The following DHRS7 variants were observed in gnomAD, a reference collection of about 807,000 sequenced individuals.
DHRS7 encodes dehydrogenase/reductase SDR family member 7.
DHRS7 carries 34 observed loss-of-function variants against 38.9 expected under a neutral mutation model. The ratio of observed to expected loss-of-function variants is 0.87; its 90% CI spans 0.66 to 1.16. The LOEUF (loss-of-function observed/expected upper bound fraction) is 1.16. Among genes scored for constraint, DHRS7 ranks in the 50% most tolerant of loss-of-function variants. The pLI is 0.00. For missense variants in DHRS7, 421 were observed against 407.0 expected (o/e 1.03, Z -0.30); for synonymous variants, 158 against 153.1 (o/e 1.03, Z -0.24).
At position 60,146,597 on chromosome 14, in the gene DHRS7, A is replaced by T. The variant is rs760620135; in HGVS notation, c.973-1584T>A. ...ATACCTACACTCCCATGTTCATTTT[A>T]GCATTATTCATAATAGCCAAGATAT... is the stretch of plus-strand genomic sequence containing the variant. On this transcript the variant is annotated intron_variant, in intron 6 of 6. Coordinates refer to ENST00000557185, the MANE Select transcript of DHRS7 (RefSeq NM_016029.4). This position sits in a 1 kb window ranked among gnomAD's most constrained non-coding sequence, Gnocchi z 4.9. 1 of 152,186 alleles carries T rather than the reference A, an allele frequency of 6.6e-6. No individual in the cohort carries two copies. Among genetic ancestry groups the T allele is most frequent in the Non-Finnish European group, 1.5e-5 (1 of 68,028 alleles). The allele number at this position is 152,186 out of a possible 1,614,324, so 9.4% of individuals were successfully genotyped here.
chr14:60,169,444 G>A (rs560271396), upstream of DHRS7, among the ~76,000 whole-genome samples: 2 of 152,206 alleles, frequency 1.3e-5, no homozygotes, highest in Non-Finnish European at 2.9e-5. Flanking sequence ...AGAAGCTATT[G>A]CAGCTTCTAC....
At chr14:60,166,521 TC>T (rs2140621239), upstream of DHRS7, among the ~76,000 whole-genome samples, 1 of 152,358 alleles carries the variant, frequency 6.6e-6, no homozygotes, top group East Asian at 1.9e-4. Context: ...CTTTTTCTAG[TC>T]TTGCCTGCCA....
intron 2 of DHRS7, 113 bp downstream of exon 2, chr14:60,155,887 G>A: frequency 8.9e-7 from 1 of 1,119,392 alleles, no homozygotes; most frequent in Non-Finnish European, 1.2e-6. Context: ...GAAGCATGTA[G>A]AACATTTGGA....
rs542027728 is a variant in DHRS7 at position 60,146,324 on chromosome 14, C to T, written c.973-1311G>A. 6.6e-6 allele frequency: 1 copy of T among 152,148 alleles called. No individual in the cohort carries two copies. Among genetic ancestry groups the T allele is most frequent in the Non-Finnish European group, 1.5e-5 (1 of 67,984 alleles). 9.4% of individuals were successfully genotyped at this position (152,148 alleles called of 1,614,324 possible). A position where few individuals can be genotyped will look rare whatever the true frequency, so the allele number is the denominator to read the frequency against. ...CAAAATATCCTTCATATGGACATTT[C>T]TGGAAGTACTACTACAGTGGGACTG... On this transcript the variant is annotated intron_variant, in intron 6 of 6. Transcript: ENST00000557185. This position sits in a 1 kb window ranked among gnomAD's most constrained non-coding sequence, Gnocchi z 4.9.
chr14:60,151,285 T>C (rs751985928), intron 4 of DHRS7, among the ~76,000 whole-genome samples: 2 of 152,194 alleles, frequency 1.3e-5, no homozygotes, highest in African/African-American at 2.4e-5. Flanking sequence ...ACTGACCATT[T>C]CTAAACCAAT....
rs990613633 is a variant in DHRS7, at chr14:60,148,070, T to G, written c.972+1283A>C. ...TGGTAGAAAACGAAAAGCTCCTTTT[T>G]GATTTTTCACACTCTGGACATTTTA... On this transcript the variant is annotated intron_variant, in intron 6 of 6. Coordinates refer to ENST00000557185, the MANE Select transcript of DHRS7 (RefSeq NM_016029.4). The surrounding 1 kb of genome is among the most constrained non-coding windows in gnomAD (Gnocchi z 4.8). 1.6e-4 allele frequency: 25 copies of G among 152,358 alleles called. No individual in the cohort carries two copies. The highest frequency in any genetic ancestry group is 5.8e-4 in the African/African-American group (24 of 41,584). 9.4% of individuals were successfully genotyped at this position (152,358 alleles called of 1,614,324 possible).
intron 6 of DHRS7, 51 bp downstream of exon 6, chr14:60,149,302 C>A (rs1896480221): frequency 1.3e-6 from 2 of 1,565,668 alleles, no homozygotes; most frequent in African/African-American, 2.7e-5. Context: ...AATTCTGTAC[C>A]TTCCTGCAAG....
intron 1 of DHRS7, among the ~76,000 whole-genome samples, 166 bp from the exon 2 acceptor site, chr14:60,156,318 TAAA>T (rs199902248): frequency 1.5e-5 from 2 of 136,274 alleles, no homozygotes; most frequent in Non-Finnish European, 1.6e-5. Context: ...CCTTCTTAAC[TAAA>T]AAAAAAAAAA....
At chr14:60,169,013 T>G (rs1326005465), upstream of DHRS7, 1 of 294,552 alleles carries the variant, frequency 3.4e-6, no homozygotes, top group Non-Finnish European at 6.2e-6. Flanking sequence ...GAGGATTGCT[T>G]GAGACTGCCT....
chr14:60,150,333 ATATTT>A (rs1225486868), intron 4 of DHRS7, 146 bp from the exon 5 acceptor site: 13 of 697,646 alleles, frequency 1.9e-5, no homozygotes, highest in South Asian at 2.8e-5. Flanking sequence ...TTTTATTATT[ATATTT>A]TAAGTTCTAG....
At chr14:60,149,287 T>C in intron 6 of DHRS7, 66 bp downstream of exon 6, 1 of 1,519,802 alleles carries the variant, frequency 6.6e-7, no homozygotes, top group Non-Finnish European at 9.1e-7. Context: ...TTTTAAACAC[T>C]GGAAAATTCT....
Position 60,162,779 on chromosome 14 carries a change from C to T in DHRS7, c.133+2398G>A, listed in dbSNP as rs1242527497. Reference sequence around the variant, plus strand: ...GAGTCTTTTTAGACTTTTTTTTCCCCTAAAACTCTCCTGTGAAATGTTAAT... The same window carrying T: ...GAGTCTTTTTAGACTTTTTTTTCCCTTAAAACTCTCCTGTGAAATGTTAAT... On this transcript the variant is annotated intron_variant, in intron 1 of 6. Coordinates refer to ENST00000557185, the MANE Select transcript of DHRS7 (RefSeq NM_016029.4). This position sits in a 1 kb window ranked among gnomAD's most constrained non-coding sequence, Gnocchi z 4.5. 1.3e-5 allele frequency among the ~76,000 whole-genome samples: 2 copies of T among 151,948 alleles called. No individual in the cohort carries two copies. The highest frequency in any genetic ancestry group is 2.9e-5 in the Non-Finnish European group (2 of 68,010).
chr14:60,150,393 T>C (rs1896518893), intron 4 of DHRS7, among the ~76,000 whole-genome samples: 1 of 152,172 alleles, frequency 6.6e-6, no homozygotes, highest in African/African-American at 2.4e-5. Context: ...TGTATACATG[T>C]GCCACGTTGG....
intron 1 of DHRS7, among the ~76,000 whole-genome samples, chr14:60,157,715 C>A (rs1240808082): frequency 2.6e-5 from 4 of 151,868 alleles, no homozygotes; most frequent in Non-Finnish European, 5.9e-5. Context: ...CAGTGCTTAG[C>A]AAAGACTGGA....
intron 4 of DHRS7, among the ~76,000 whole-genome samples, chr14:60,152,470 T>A (rs1433474342): frequency 6.6e-6 from 1 of 152,140 alleles, no homozygotes; most frequent in Non-Finnish European, 1.5e-5. Flanking sequence ...CATATATAAT[T>A]AGACCAGGCA....
upstream of DHRS7, chr14:60,169,148 A>AAC (rs1896902940): frequency 6.6e-6 from 1 of 151,604 alleles, no homozygotes; most frequent in Non-Finnish European, 1.5e-5. Flanking sequence ...AAAAAAAAAA[A>AAC]AAAAAAAAAA....
intron 1 of DHRS7, among the ~76,000 whole-genome samples, chr14:60,163,041 G>A (rs1254030): frequency 0.27 from 40,333 of 151,682 alleles, 7,277 homozygotes; most frequent in African/African-American, 0.51. Flanking sequence ...GTGGTGGCAC[G>A]CACCTGTAAT....
Position 60,165,047 on chromosome 14 carries a change from C to T in DHRS7, c.133+130G>A. ...CCGCAGCCCCTGCGTAAGGGGCAGC[C>T]GGGCCTTCGGGAAGCTCCACGCAAC... On this transcript the variant is annotated intron_variant, in intron 1 of 6. Coordinates refer to ENST00000557185, the MANE Select transcript of DHRS7 (RefSeq NM_016029.4). This position sits in a 1 kb window ranked among gnomAD's most constrained non-coding sequence, Gnocchi z 4.6. 1 of 1,213,822 alleles carries T rather than the reference C, an allele frequency of 8.2e-7. No individual in the cohort carries two copies. The highest frequency in any genetic ancestry group is 1.2e-6 in the Non-Finnish European group (1 of 867,022). The allele number at this position is 1,213,822 out of a possible 1,614,324, so 75.2% of individuals were successfully genotyped here. A position where few individuals can be genotyped will look rare whatever the true frequency, so the allele number is the denominator to read the frequency against.
At chr14:60,168,277 C>A (rs770486597), upstream of DHRS7, among the ~76,000 whole-genome samples, 1 of 152,156 alleles carries the variant, frequency 6.6e-6, no homozygotes, top group Non-Finnish European at 1.5e-5. Context: ...TAAACATAAG[C>A]AGTTTATAGC....
Sources: allele counts gnomAD v4.1 joint callset (sites outside exome capture counted in the v4.1 genomes callset), GRCh38; gene constraint gnomAD v4.1.1; non-coding constraint Gnocchi (gnomAD v3.1); transcripts MANE v1.5; gene names NCBI Gene and HGNC (gene_info 2026-07-23, HGNC 2026-07-21).